The following CACNB4 variants were observed in gnomAD, a reference collection of about 807,000 sequenced individuals.
The protein encoded by CACNB4 is voltage-dependent L-type calcium channel subunit beta-4.
A neutral mutation model predicts 71.2 loss-of-function variants in CACNB4; 32 were observed. The observed-to-expected ratio is 0.45, with a 90% CI of 0.34 to 0.60. CACNB4 has a LOEUF of 0.60. Ranked by LOEUF, CACNB4 falls within the 20% of genes least tolerant of loss-of-function variation. The pLI is 0.01. For missense variants in CACNB4, 464 were observed against 647.9 expected (o/e 0.72, Z 3.08); for synonymous variants, 231 against 236.9 (o/e 0.97, Z 0.23).
chr2:151,983,515 C>A (rs532966378), intron 2 of CACNB4, among the ~76,000 whole-genome samples: 1 of 151,996 alleles, frequency 6.6e-6, no homozygotes, highest in African/African-American at 2.4e-5. Flanking sequence ...AAATAACATT[C>A]ATCTACATAG....
chr2:152,028,048 T>G (rs781648646), intron 2 of CACNB4, among the ~76,000 whole-genome samples: 2 of 152,058 alleles, frequency 1.3e-5, no homozygotes, highest in African/African-American at 2.4e-5. Context: ...GGTCAGAGGT[T>G]GACACCTGCT....
intron 2 of CACNB4, among the ~76,000 whole-genome samples, chr2:151,987,928 G>A (rs1579079079): frequency 6.6e-6 from 1 of 152,106 alleles, no homozygotes; most frequent in East Asian, 1.9e-4. Context: ...GAATTTGCCT[G>A]AAAAATCTCT....
intron 2 of CACNB4, among the ~76,000 whole-genome samples, chr2:151,903,974 TAGGAAAGAAGGG>T: frequency 6.6e-6 from 1 of 152,188 alleles, no homozygotes; most frequent in South Asian, 2.1e-4. Flanking sequence ...TAAGTATGTA[TAGGAAAGAAGGG>T]AGGGAAGAAG....
intron 9 of CACNB4, chr2:151,866,741 T>C (rs1045450627): frequency 2.0e-5 from 3 of 152,194 alleles, no homozygotes; most frequent in African/African-American, 7.2e-5. Flanking sequence ...CCCTTTAATA[T>C]CTACCTATCT....
chr2:151,888,440 A>G (rs141022694), intron 2 of CACNB4, among the ~76,000 whole-genome samples: 248 of 152,110 alleles, frequency 1.6e-3, no homozygotes, highest in African/African-American at 5.8e-3. Flanking sequence ...GATAGTGTGT[A>G]CTTATAGCCC....
chr2:151,868,001 A>G (rs2099843629), intron 9 of CACNB4: 1 of 152,250 alleles, frequency 6.6e-6, no homozygotes. Flanking sequence ...TAATGTACCT[A>G]GAAGCATTCT....
intron 2 of CACNB4, among the ~76,000 whole-genome samples, chr2:151,979,299 T>C (rs1268788231): frequency 2.0e-5 from 3 of 152,156 alleles, no homozygotes; most frequent in African/African-American, 7.2e-5. Flanking sequence ...CTCCCTGCCA[T>C]TCTTGATGGC....
intron 2 of CACNB4, among the ~76,000 whole-genome samples, chr2:152,030,771 G>A (rs1296477084): frequency 1.3e-5 from 2 of 152,230 alleles, no homozygotes; most frequent in African/African-American, 4.8e-5. Flanking sequence ...TACAAAGGAC[G>A]TGAACTCATC....
At chr2:151,943,075 T>C (rs923099384) in intron 2 of CACNB4, among the ~76,000 whole-genome samples, 2 of 152,034 alleles carry the variant, frequency 1.3e-5, no homozygotes, top group Non-Finnish European at 2.9e-5. Context: ...ACCTACTCTC[T>C]GTTATTACAC....
chr2:151,980,055 G>A (rs937566986), intron 2 of CACNB4, among the ~76,000 whole-genome samples: 3 of 152,086 alleles, frequency 2.0e-5, no homozygotes, highest in African/African-American at 4.8e-5. Flanking sequence ...ACTGTTTAAC[G>A]TAAAATTAGT....
At chr2:152,045,262 G>T (rs1386795837) in intron 2 of CACNB4, among the ~76,000 whole-genome samples, 1 of 152,160 alleles carries the variant, frequency 6.6e-6, no homozygotes, top group Non-Finnish European at 1.5e-5. Flanking sequence ...CCAAAAGGTA[G>T]AAACAGTCCA....
intron 8 of CACNB4, 54 bp from the exon 9 acceptor site, chr2:151,869,289 AG>A: frequency 9.5e-7 from 1 of 1,047,834 alleles, no homozygotes; most frequent in Non-Finnish European, 1.4e-6. Flanking sequence ...AGAGAGAGAG[AG>A]AAGTCAAAAG....
upstream of CACNB4, chr2:152,099,153 C>T (rs1228813056): frequency 1.9e-6 from 1 of 534,344 alleles, no homozygotes; most frequent in Non-Finnish European, 3.2e-6. Flanking sequence ...GCTCCCTGCC[C>T]GCACTTCGGA....
intron 2 of CACNB4, among the ~76,000 whole-genome samples, chr2:152,014,360 A>G (rs979050790): frequency 5.3e-5 from 8 of 150,960 alleles, no homozygotes; most frequent in African/African-American, 1.9e-4. Flanking sequence ...AACAAAAACA[A>G]AAGAGTCATT....
chr2:151,962,219 C>T (rs749889009), intron 2 of CACNB4, among the ~76,000 whole-genome samples: 1 of 152,248 alleles, frequency 6.6e-6, no homozygotes, highest in Non-Finnish European at 1.5e-5. Flanking sequence ...CTCAAGGTAG[C>T]TTTCTGGATG....
chr2:151,894,451 C>T (rs572780262), intron 2 of CACNB4, among the ~76,000 whole-genome samples: 52 of 152,182 alleles, frequency 3.4e-4, no homozygotes, highest in African/African-American at 1.0e-3. Flanking sequence ...GTAATAAAGC[C>T]CATGTATGAC....
At chr2:152,059,294 C>A (rs1322657074) in intron 2 of CACNB4, among the ~76,000 whole-genome samples, 1 of 152,226 alleles carries the variant, frequency 6.6e-6, no homozygotes, top group Non-Finnish European at 1.5e-5. Flanking sequence ...TGTGTGTGTG[C>A]CTGGAAAAGC....
At chr2:152,086,645 T>C (rs1282319304) in intron 2 of CACNB4, among the ~76,000 whole-genome samples, 1 of 152,232 alleles carries the variant, frequency 6.6e-6, no homozygotes, top group Non-Finnish European at 1.5e-5. Context: ...GCATTTTGAA[T>C]TGTAAGTACC....
chr2:151,892,630 C>A (rs2099850998), intron 2 of CACNB4, among the ~76,000 whole-genome samples: 1 of 152,148 alleles, frequency 6.6e-6, no homozygotes, highest in Non-Finnish European at 1.5e-5. Flanking sequence ...AGAAGGAGAT[C>A]CCCCAGAGGT....
Sources: gnomAD v4.1 joint callset for allele counts (sites outside exome capture counted in the v4.1 genomes callset) on GRCh38, gnomAD v4.1.1 for gene constraint, MANE v1.5 for transcripts, NCBI Gene and HGNC (gene_info 2026-07-23, HGNC 2026-07-21) for gene names.